ICE2: variants seen among roughly 807,000 people sequenced by gnomAD.
ICE2 encodes little elongation complex subunit 2.
A neutral mutation model predicts 105.4 loss-of-function variants in ICE2; 87 were observed. The ratio of observed to expected loss-of-function variants is 0.83; its 90% CI spans 0.69 to 0.99. ICE2 has a LOEUF of 0.99. Among genes scored for constraint, ICE2 ranks in the 50% least tolerant of loss-of-function variants. ICE2 has a pLI of 0.00. For synonymous variants in ICE2, 399 were observed against 392.0 expected (o/e 1.02, Z -0.21); for missense variants, 1,323 against 1,146.7 (o/e 1.15, Z -2.22).
In ICE2 at chr15:60,456,540, CA is replaced by C. The variant is rs1425301397; in HGVS notation, c.666+116del. 65 of 36,676 alleles carry C rather than the reference CA, an allele frequency of 1.8e-3. 1 individual carries two copies. The highest frequency in any genetic ancestry group is 2.5e-3 in the Non-Finnish European group (44 of 17,394). 2.3% of individuals were successfully genotyped at this position (36,676 alleles called of 1,614,324 possible). A position where few individuals can be genotyped will look rare whatever the true frequency, so the allele number is the denominator to read the frequency against. ...GGCGACGAGAGAGAGACTCTGTCTC[CA>C]AAAAAAAAAATAAATAAATAAATAA... On this transcript the variant is annotated intron_variant, in intron 6 of 15. Coordinates refer to ENST00000261520, the MANE Select transcript of ICE2 (RefSeq NM_024611.6).
Position 60,449,207 on chromosome 15 carries a change from T to C in ICE2, c.1760A>G (p.Asn587Ser). 2 of 1,614,126 alleles carry C rather than the reference T, an allele frequency of 1.2e-6. No individual in the cohort carries two copies. Among genetic ancestry groups the C allele is most frequent in the Non-Finnish European group, 1.7e-6 (2 of 1,179,994 alleles). ...CACAACAGCTGTCTTTCCATCACTA[T>C]TATTTTTACATTCTGTATCAATGAT... ...CLIIDTECKN[N>S]SDGKTAVVGS... is the part of the protein sequence containing the mutation. The change falls in exon 10 of 16, where the codon AAT becomes AGT. Residue 587 changes from asparagine (N) to serine (S), a missense_variant. By Grantham distance (46) the Asn-to-Ser change is conservative. Coordinates refer to ENST00000261520, the MANE Select transcript of ICE2 (RefSeq NM_024611.6).
intron 15 of ICE2, among the ~76,000 whole-genome samples, chr15:60,425,504 G>A (rs1418828266): frequency 6.6e-6 from 1 of 152,162 alleles, no homozygotes; most frequent in Non-Finnish European, 1.5e-5. Context: ...AAGAAAGACT[G>A]GAAGCAGAAG....
Position 60,445,696 on chromosome 15 carries a change from G to C in ICE2, c.2295+2274C>G, listed in dbSNP as rs750106014. Reference sequence around the variant, plus strand: ...AAGTGAATTACAATGTCCTTACCAAGCTGTCTTGTTCAAGAATTAAACTGG... The same window carrying C: ...AAGTGAATTACAATGTCCTTACCAACCTGTCTTGTTCAAGAATTAAACTGG... On this transcript the variant is annotated intron_variant, in intron 11 of 15. Coordinates refer to ENST00000261520, the MANE Select transcript of ICE2 (RefSeq NM_024611.6). 840 of 984,892 alleles carry C rather than the reference G, an allele frequency of 8.5e-4. 1 individual carries two copies. The highest frequency in any genetic ancestry group is 9.8e-4 in the Non-Finnish European group (814 of 829,616). 61.0% of individuals were successfully genotyped at this position (984,892 alleles called of 1,614,324 possible). A position where few individuals can be genotyped will look rare whatever the true frequency, so the allele number is the denominator to read the frequency against.
At chr15:60,456,584 TACAC>T (rs368911245) in intron 6 of ICE2, 69 bp downstream of exon 6, 15,252 of 195,584 alleles carry the variant, frequency 0.078, 655 homozygotes, top group Middle Eastern at 0.11. Flanking sequence ...TATATATATA[TACAC>T]ACACACACAC....
In ICE2 at chr15:60,449,478, T is replaced by G. The variant is rs1277823974; in HGVS notation, c.1489A>C (p.Asn497His). 1 of 1,614,084 alleles carries G rather than the reference T, an allele frequency of 6.2e-7. No homozygotes were observed. The highest frequency in any genetic ancestry group is 1.7e-5 in the Admixed American group (1 of 60,006). ...QGFESCEKVS[N>H]SDKPLIQDSD... ...TCTTGTATCAAAGGCTTGTCAGAAT[T>G]TGATACCTTTTCACATGATTCAAAT... Residue 497 changes from asparagine (N) to histidine (H), a missense_variant, in exon 10 of 16, where the codon AAT becomes CAT. Transcript: ENST00000261520.
intron 15 of ICE2, among the ~76,000 whole-genome samples, chr15:60,427,943 C>T (rs1391390568): frequency 6.6e-6 from 1 of 152,144 alleles, no homozygotes. Context: ...GTCCTTGATA[C>T]TTTAGGTATA....
chr15:60,452,428 ATC>A, intron 9 of ICE2: 1 of 219,950 alleles, frequency 4.5e-6, no homozygotes, highest in Non-Finnish European at 7.7e-6. Flanking sequence ...TTCCCCACCC[ATC>A]TCTCTATTTC....
intron 12 of ICE2, chr15:60,438,554 A>G (rs2063647609): frequency 6.6e-6 from 1 of 152,220 alleles, no homozygotes; most frequent in Admixed American, 6.5e-5. Flanking sequence ...AGGAAATACT[A>G]AGCATAATAA....
rs539059232 is a variant in ICE2, at chr15:60,446,400, T to A, written c.2295+1570A>T. On this transcript the variant is annotated intron_variant, in intron 11 of 15. Transcript: ENST00000261520. ...GCAATGTGGAAAAGTTGGCACTTTT[T>A]AAAAATTTTTTTTGAGATAGAGTCT... 3.8e-3 allele frequency among the ~76,000 whole-genome samples: 582 copies of A among 152,228 alleles called. 7 individuals carry two copies. The highest frequency in any genetic ancestry group is 4.3e-3 in the Non-Finnish European group (294 of 68,008).
chr15:60,439,945 A>T (rs950812220), intron 12 of ICE2: 3 of 152,214 alleles, frequency 2.0e-5, no homozygotes, highest in Non-Finnish European at 4.4e-5. Context: ...TTTATGTTCC[A>T]TTCAAATTTC....
chr15:60,461,204 C>T (rs2064267826), intron 5 of ICE2, among the ~76,000 whole-genome samples: 1 of 152,020 alleles, frequency 6.6e-6, no homozygotes, highest in African/African-American at 2.4e-5. Flanking sequence ...AAATCACTAA[C>T]CACAAAAATT....
rs528660301 is a variant in ICE2, at chr15:60,421,999, A to C, written c.*1635T>G. ...CAGAAATTAGGCCAAAAGAATAGCT[A>C]TTCTTTACACAGAATAGCTAAAAAA... On this transcript the variant is annotated 3_prime_UTR_variant, in exon 16 of 16. Coordinates refer to ENST00000261520, the MANE Select transcript of ICE2 (RefSeq NM_024611.6). 12 of 83,454 alleles carry C rather than the reference A, an allele frequency of 1.4e-4. No individual in the cohort carries two copies. Among genetic ancestry groups the C allele is most frequent in the Admixed American group, 4.0e-4 (3 of 7,466 alleles). The allele number at this position is 83,454 out of a possible 1,614,324, so 5.2% of individuals were successfully genotyped here. A position where few individuals can be genotyped will look rare whatever the true frequency, so the allele number is the denominator to read the frequency against.
At chr15:60,436,427 A>G (rs947968967) in intron 12 of ICE2, among the ~76,000 whole-genome samples, 200 bp from the exon 13 acceptor site, 2 of 151,514 alleles carry the variant, frequency 1.3e-5, no homozygotes, top group African/African-American at 4.8e-5. Flanking sequence ...ATTATAAAAC[A>G]TTTATATTCA....
At chr15:60,457,778 A>G (rs1442353393) in intron 5 of ICE2, among the ~76,000 whole-genome samples, 1 of 152,196 alleles carries the variant, frequency 6.6e-6, no homozygotes, top group Non-Finnish European at 1.5e-5. Context: ...ATTTGTAACT[A>G]ACACAGATGT....
chr15:60,433,288 C>G (rs945256165), intron 13 of ICE2, among the ~76,000 whole-genome samples: 21 of 151,732 alleles, frequency 1.4e-4, no homozygotes, highest in African/African-American at 5.1e-4. Flanking sequence ...GGGGTTTCAC[C>G]GTGTTAGCCA....
chr15:60,433,612 A>C (rs1183621408), intron 13 of ICE2, among the ~76,000 whole-genome samples: 1 of 151,124 alleles, frequency 6.6e-6, no homozygotes, highest in East Asian at 2.0e-4. Context: ...TGCCTCAGCC[A>C]CCCGAGTAGC....
chr15:60,470,827 T>C (rs1019573446), intron 3 of ICE2, among the ~76,000 whole-genome samples: 2 of 152,082 alleles, frequency 1.3e-5, no homozygotes, highest in Admixed American at 6.5e-5. Flanking sequence ...ATAGGATATA[T>C]TTATTGTTTT....
chr15:60,432,240 T>G (rs1333864767), intron 13 of ICE2, among the ~76,000 whole-genome samples: 1 of 143,862 alleles, frequency 7.0e-6, no homozygotes, highest in Non-Finnish European at 1.5e-5. Context: ...CTGGAGTGAG[T>G]GCAGTGGCGC....
intron 13 of ICE2, among the ~76,000 whole-genome samples, chr15:60,435,574 G>A (rs1052071673): frequency 1.4e-5 from 2 of 146,322 alleles, no homozygotes; most frequent in East Asian, 2.0e-4. Context: ...ACTCTAGCCT[G>A]GGCAAAAAGA....
Sources: gnomAD v4.1 joint callset for allele counts (sites outside exome capture counted in the v4.1 genomes callset) on GRCh38, gnomAD v4.1.1 for gene constraint, MANE v1.5 for transcripts, NCBI Gene and HGNC (gene_info 2026-07-23, HGNC 2026-07-21) for gene names.